The following OIT3 variants were observed in gnomAD, a reference collection of about 807,000 sequenced individuals.
The protein encoded by OIT3 is oncoprotein-induced transcript 3 protein.
A neutral mutation model predicts 52.2 loss-of-function variants in OIT3; 41 were observed. That is an observed-to-expected ratio of 0.79 (90% CI 0.61 to 1.02). The LOEUF (loss-of-function observed/expected upper bound fraction) is 1.02. Ranked by LOEUF, OIT3 falls within the 50% of genes least tolerant of loss-of-function variation. The probability of loss-of-function intolerance (pLI) is 0.00; values close to 1 mark genes in which losing one functional copy is unlikely to be tolerated. For missense variants in OIT3, 634 were observed against 715.5 expected, an observed-to-expected ratio of 0.89 and a Z score of 1.30; for synonymous variants, 244 against 276.9, an observed-to-expected ratio of 0.88 and a Z score of 1.18.
intron 6 of OIT3, among the ~76,000 whole-genome samples, chr10:72,920,853 C>T (rs1037182718): frequency 1.3e-5 from 2 of 152,124 alleles, no homozygotes; most frequent in African/African-American, 4.8e-5. Context: ...AATTATGGAT[C>T]AATTTTAGAG....
At chr10:72,916,155 C>CTTATTT (rs1554831879) in intron 6 of OIT3, among the ~76,000 whole-genome samples, 5 of 152,026 alleles carry the variant, frequency 3.3e-5, no homozygotes, top group African/African-American at 1.2e-4. Context: ...GTCTTTGAAG[C>CTTATTT]TTAGTTTTAT....
chr10:72,922,737 G>T (rs1262146847), intron 6 of OIT3, among the ~76,000 whole-genome samples: 5 of 152,122 alleles, frequency 3.3e-5, no homozygotes, highest in African/African-American at 1.2e-4. Flanking sequence ...GAGTGGTGAT[G>T]CGGTCATTTG....
At chr10:72,908,089 A>C (rs1845995794) in intron 4 of OIT3, among the ~76,000 whole-genome samples, 1 of 152,166 alleles carries the variant, frequency 6.6e-6, no homozygotes, top group South Asian at 2.1e-4. Context: ...TTAAAAATAC[A>C]AAAATTAGCT....
chr10:72,926,970 T>C (rs1280839837), intron 7 of OIT3, among the ~76,000 whole-genome samples: 1 of 152,138 alleles, frequency 6.6e-6, no homozygotes, highest in Non-Finnish European at 1.5e-5. Flanking sequence ...ATAATGAACA[T>C]TTTTCTCACT....
chr10:72,926,095 G>A (rs1039249617), intron 7 of OIT3, among the ~76,000 whole-genome samples: 6 of 152,202 alleles, frequency 3.9e-5, no homozygotes, highest in Admixed American at 3.3e-4. Context: ...TGTTCTCCAT[G>A]TCAGGTGGGA....
chr10:72,925,674 GC>G (rs1256355709), intron 7 of OIT3, among the ~76,000 whole-genome samples: 1 of 152,154 alleles, frequency 6.6e-6, no homozygotes, highest in Non-Finnish European at 1.5e-5. Flanking sequence ...GTGCAGTGGT[GC>G]AAACACAGCT....
chr10:72,919,851 A>C (rs1210647079), intron 6 of OIT3, among the ~76,000 whole-genome samples: 1 of 152,158 alleles, frequency 6.6e-6, no homozygotes, highest in African/African-American at 2.4e-5. Flanking sequence ...TCAGTTTGCC[A>C]GTATTTTGTT....
intron 6 of OIT3, among the ~76,000 whole-genome samples, chr10:72,923,012 A>G (rs1817704785): frequency 6.6e-6 from 1 of 152,164 alleles, no homozygotes; most frequent in Non-Finnish European, 1.5e-5. Flanking sequence ...AGTAGCTGGA[A>G]TTACAGGCCC....
intron 6 of OIT3, 140 bp downstream of exon 6, chr10:72,913,608 C>T: frequency 1.3e-6 from 1 of 758,878 alleles, no homozygotes; most frequent in Non-Finnish European, 2.3e-6. Flanking sequence ...CATCTTACGT[C>T]ATTCTTTTAA....
intron 7 of OIT3, among the ~76,000 whole-genome samples, chr10:72,927,793 A>G (rs1370628411): frequency 6.6e-6 from 1 of 152,030 alleles, no homozygotes; most frequent in Non-Finnish European, 1.5e-5. Flanking sequence ...CCTCTGCCTG[A>G]TATCTTCTTC....
intron 6 of OIT3, among the ~76,000 whole-genome samples, chr10:72,922,493 A>G (rs563804155): frequency 6.6e-6 from 1 of 151,882 alleles, no homozygotes; most frequent in Non-Finnish European, 1.5e-5. Flanking sequence ...TTGCAATTGC[A>G]TTATGAAATT....
Position 72,906,653 on chromosome 10 carries a change from A to G in OIT3, c.602A>G (p.Lys201Arg). Residue 201 changes from lysine to arginine, a missense_variant, in exon 4 of 9, where the codon AAA becomes AGA. Transcript: ENST00000334011. The part of the protein sequence containing the change: ...GGCSEICVNL[K>R]NSYRCECGVG... ...TGCAGTGAGATCTGTGTGAACCTCA[A>G]AAACTCCTACCGCTGTGAGTGTGGG... is the stretch of plus-strand genomic sequence containing the variant. 6.2e-7 allele frequency: 1 copy of G among 1,613,308 alleles called. No individual in the cohort carries two copies. The highest frequency in any genetic ancestry group is 2.2e-5 in the East Asian group (1 of 44,770).
At chr10:72,929,627 G>T (rs762582673) in intron 7 of OIT3, among the ~76,000 whole-genome samples, 1 of 150,340 alleles carries the variant, frequency 6.7e-6, no homozygotes, top group Non-Finnish European at 1.5e-5. Context: ...GGCTAATCTC[G>T]AACTCTGGGG....
chr10:72,917,999 TTCA>T (rs1183189810), intron 6 of OIT3: 8 of 808,338 alleles, frequency 9.9e-6, no homozygotes, highest in African/African-American at 1.7e-5. Context: ...CATCATTATC[TTCA>T]TCATCATCTT....
chr10:72,924,505 C>T lies in OIT3; in HGVS notation c.1228C>T (p.Leu410Phe), dbSNP rs538116396. The T allele has an allele frequency of 6.2e-7, 1 of 1,614,214 alleles. No individual in the cohort carries two copies. Among genetic ancestry groups the T allele is most frequent in the East Asian group, 2.2e-5 (1 of 44,876 alleles). ...GCCTTACCGGGAAGCTCTGCCCACC[C>T]TCAAGCTTCGTGACTCCCTCTACTT... is the stretch of plus-strand genomic sequence containing the variant. ...EEPYREALPT[L>F]KLRDSLYFGI... Residue 410 changes from leucine to phenylalanine, a missense_variant, in exon 7 of 9, where the codon CTC becomes TTC. Coordinates refer to ENST00000334011, the MANE Select transcript of OIT3 (RefSeq NM_152635.3).
chr10:72,906,030 A>AT lies in OIT3; in HGVS notation c.545-559dup, dbSNP rs1186316585. Among the ~76,000 whole-genome samples, 7 of 152,126 alleles carry AT rather than the reference A, an allele frequency of 4.6e-5. 1 individual carries two copies. Among genetic ancestry groups the AT allele is most frequent in the South Asian group, 2.1e-4 (1 of 4,816 alleles). On this transcript the variant is annotated intron_variant, in intron 3 of 8. Transcript: ENST00000334011. ...CATAGACATTTGCTGCCAACTGTGC[A>AT]TTTTTTTACAAGAGTCCATACCTTT...
chr10:72,896,646 G>A (rs1292403394), intron 1 of OIT3, among the ~76,000 whole-genome samples: 1 of 152,164 alleles, frequency 6.6e-6, no homozygotes, highest in Non-Finnish European at 1.5e-5. Context: ...ACTTTGAATT[G>A]TGGATATGTA....
chr10:72,918,481 A>G, intron 6 of OIT3: 1 of 1,274,060 alleles, frequency 7.8e-7, no homozygotes, highest in South Asian at 1.2e-5. Context: ...CACAACCAAA[A>G]AGATAGTTCT....
chr10:72,916,539 G>A (rs1401867048), intron 6 of OIT3, among the ~76,000 whole-genome samples: 1 of 152,192 alleles, frequency 6.6e-6, no homozygotes, highest in Non-Finnish European at 1.5e-5. Flanking sequence ...ATTCCATGGT[G>A]TATATGTACC....
Sources: allele counts gnomAD v4.1 joint callset (sites outside exome capture counted in the v4.1 genomes callset), GRCh38; gene constraint gnomAD v4.1.1; transcripts MANE v1.5; gene names NCBI Gene and HGNC (gene_info 2026-07-23, HGNC 2026-07-21).